The following NDFIP2 variants were observed in gnomAD, a reference collection of about 807,000 sequenced individuals.
The protein encoded by NDFIP2 is NEDD4 family-interacting protein 2.
A neutral mutation model predicts 36.0 loss-of-function variants in NDFIP2; 19 were observed. The observed-to-expected ratio is 0.53, with a 90% CI of 0.37 to 0.77. The LOEUF is 0.77. NDFIP2 is among the 30% of genes least tolerant of loss of function. NDFIP2 has a pLI of 0.00. For missense variants in NDFIP2, 446 were observed against 435.8 expected, an observed-to-expected ratio of 1.02 and a Z score of -0.21; for synonymous variants, 181 against 167.7, an observed-to-expected ratio of 1.08 and a Z score of -0.61.
chr13:79,499,382 A>T (rs78831999), intron 1 of NDFIP2, among the ~76,000 whole-genome samples: 1 of 151,954 alleles, frequency 6.6e-6, no homozygotes. Flanking sequence ...AGCTCATGCA[A>T]TATGACAAGG....
intron 3 of NDFIP2, among the ~76,000 whole-genome samples, chr13:79,538,758 T>G (rs1875344195): frequency 6.6e-6 from 1 of 152,188 alleles, no homozygotes; most frequent in African/African-American, 2.4e-5. Flanking sequence ...AATTTTTGTA[T>G]TTTTAGTAGA....
intron 1 of NDFIP2, among the ~76,000 whole-genome samples, chr13:79,514,794 C>G (rs1376633741): frequency 2.0e-5 from 3 of 152,152 alleles, no homozygotes; most frequent in Non-Finnish European, 2.9e-5. Flanking sequence ...TCTGTTCTTT[C>G]ATCACTTCTT....
intron 1 of NDFIP2, among the ~76,000 whole-genome samples, chr13:79,485,226 A>G (rs1872921175): frequency 6.6e-6 from 1 of 152,168 alleles, no homozygotes; most frequent in South Asian, 2.1e-4. Context: ...TTTTAAAGCA[A>G]GCAGCAAATA....
intron 1 of NDFIP2, among the ~76,000 whole-genome samples, chr13:79,511,926 G>T (rs1030260799): frequency 6.6e-6 from 1 of 152,136 alleles, no homozygotes; most frequent in African/African-American, 2.4e-5. Context: ...ACTAGTTCTT[G>T]TTTTCTGTTC....
intron 1 of NDFIP2, among the ~76,000 whole-genome samples, chr13:79,501,301 A>G (rs977147545): frequency 1.3e-5 from 2 of 152,012 alleles, no homozygotes; most frequent in African/African-American, 4.8e-5. Flanking sequence ...AATGTAAACT[A>G]TAGACTTTGG....
intron 3 of NDFIP2, among the ~76,000 whole-genome samples, chr13:79,536,404 A>G (rs1452031898): frequency 1.3e-5 from 2 of 152,214 alleles, no homozygotes; most frequent in South Asian, 2.1e-4. Context: ...ATGACAGTTG[A>G]TTAAGTTAAT....
At chr13:79,533,993 C>G (rs1875124954) in intron 3 of NDFIP2, among the ~76,000 whole-genome samples, 1 of 152,036 alleles carries the variant, frequency 6.6e-6, no homozygotes, top group Admixed American at 6.6e-5. Context: ...CTTCTTTATC[C>G]CTTGACTTCC....
At chr13:79,543,075 C>A (rs1594859430) in intron 4 of NDFIP2, among the ~76,000 whole-genome samples, 2 of 152,122 alleles carry the variant, frequency 1.3e-5, no homozygotes, top group South Asian at 4.1e-4. Flanking sequence ...CAGGGTTTCA[C>A]CATGTTGGCC....
intron 5 of NDFIP2, 55 bp from the exon 6 acceptor site, chr13:79,548,273 G>A (rs1875764962): frequency 8.1e-7 from 1 of 1,234,260 alleles, no homozygotes; most frequent in South Asian, 1.3e-5. Flanking sequence ...GATAATTTAT[G>A]ATTTTCAAAT....
intron 2 of NDFIP2, among the ~76,000 whole-genome samples, chr13:79,527,956 G>A (rs1291679896): frequency 1.3e-5 from 2 of 152,086 alleles, no homozygotes; most frequent in Non-Finnish European, 2.9e-5. Context: ...GTGCGTGTTT[G>A]TGTTGCAGTT....
intron 2 of NDFIP2, among the ~76,000 whole-genome samples, chr13:79,532,510 G>A (rs1415293807): frequency 1.3e-5 from 2 of 152,018 alleles, no homozygotes; most frequent in East Asian, 3.9e-4. Context: ...ATAAGTGATG[G>A]GTTTTATTTT....
chr13:79,526,705 T>G (rs2137093229), intron 2 of NDFIP2, among the ~76,000 whole-genome samples: 1 of 152,270 alleles, frequency 6.6e-6, no homozygotes, highest in Non-Finnish European at 1.5e-5. Flanking sequence ...AAGAATATTC[T>G]AGAAGCCAAG....
At chr13:79,552,475 A>G (rs1411211190) in intron 7 of NDFIP2, 41 bp from the exon 8 acceptor site, 1 of 151,872 alleles carries the variant, frequency 6.6e-6, no homozygotes, top group East Asian at 1.9e-4. Context: ...AGATAAAGAC[A>G]ACTTAATACA....
chr13:79,538,618 T>A (rs772744186), intron 3 of NDFIP2, among the ~76,000 whole-genome samples: 41 of 152,246 alleles, frequency 2.7e-4, no homozygotes, highest in Admixed American at 5.9e-4. Context: ...ACGGTCTCAC[T>A]GTCGCCCAGA....
chr13:79,550,767 T>C (rs1875877614), intron 6 of NDFIP2, among the ~76,000 whole-genome samples: 1 of 151,644 alleles, frequency 6.6e-6, no homozygotes, highest in South Asian at 2.1e-4. Flanking sequence ...TATATTTTTA[T>C]GTAATTCTGG....
chr13:79,488,155 G>A (rs1873091333), intron 1 of NDFIP2, among the ~76,000 whole-genome samples: 2 of 151,898 alleles, frequency 1.3e-5, no homozygotes, highest in African/African-American at 4.8e-5. Flanking sequence ...AACTAATTGA[G>A]GAAATGTACA....
chr13:79,525,940 A>G (rs1176876041), intron 2 of NDFIP2, among the ~76,000 whole-genome samples: 1 of 152,222 alleles, frequency 6.6e-6, no homozygotes, highest in African/African-American at 2.4e-5. Context: ...GTTCTGAAAT[A>G]CACACTTTTC....
chr13:79,493,446 A>G (rs1373880298), intron 1 of NDFIP2, among the ~76,000 whole-genome samples: 2 of 152,168 alleles, frequency 1.3e-5, no homozygotes, highest in African/African-American at 4.8e-5. Context: ...TCTTGTAACC[A>G]GTGGCTTGCA....
At chr13:79,552,100 T>A (rs1268753811) in intron 7 of NDFIP2, among the ~76,000 whole-genome samples, 1 of 151,410 alleles carries the variant, frequency 6.6e-6, no homozygotes, top group Non-Finnish European at 1.5e-5. Context: ...TGAATACATT[T>A]GTATTTCTAG....
Sources: allele counts gnomAD v4.1 joint callset (sites outside exome capture counted in the v4.1 genomes callset), GRCh38; gene constraint gnomAD v4.1.1; transcripts MANE v1.5; gene names NCBI Gene and HGNC (gene_info 2026-07-23, HGNC 2026-07-21).